STK3: variants seen among roughly 807,000 people sequenced by gnomAD.
The protein encoded by STK3 is serine/threonine-protein kinase 3.
Under a neutral mutation model 58.0 loss-of-function variants are expected in STK3, and 41 were observed. The ratio of observed to expected loss-of-function variants is 0.71; its 90% CI spans 0.55 to 0.92. STK3 has a LOEUF of 0.92. Ranked by LOEUF, STK3 falls within the 40% of genes least tolerant of loss-of-function variation. The pLI is 0.00. For synonymous variants in STK3, 170 were observed against 191.0 expected (o/e 0.89, Z 0.91); for missense variants, 479 against 602.7 (o/e 0.79, Z 2.15).
At chr8:98,571,021 C>T (rs1482463828) in intron 8 of STK3, among the ~76,000 whole-genome samples, 3 of 152,114 alleles carry the variant, frequency 2.0e-5, no homozygotes, top group African/African-American at 7.2e-5. Flanking sequence ...TTACCTAATT[C>T]AAAAGGTTCT....
At chr8:98,704,993 A>C (rs959050707) in intron 6 of STK3, among the ~76,000 whole-genome samples, 4 of 152,252 alleles carry the variant, frequency 2.6e-5, no homozygotes, top group African/African-American at 9.6e-5. Flanking sequence ...AGATGAAATA[A>C]GACTTTGTGT....
chr8:98,365,587 A>G, the STK3 span, among the ~76,000 whole-genome samples: 1 of 152,364 alleles, frequency 6.6e-6, no homozygotes, highest in East Asian at 1.9e-4. Context: ...AAAAAGAAAT[A>G]AAACATTACA....
intron 10 of STK3, among the ~76,000 whole-genome samples, chr8:98,508,013 C>T (rs961526588): frequency 3.3e-5 from 5 of 152,222 alleles, no homozygotes; most frequent in Admixed American, 2.6e-4. Flanking sequence ...GTATACTTTA[C>T]TAATTTATTA....
chr8:98,825,728 GCCCCC>G (rs1835231255), upstream of STK3: 5 of 665,028 alleles, frequency 7.5e-6, no homozygotes, highest in African/African-American at 1.1e-4. Flanking sequence ...GCCCCGCCCC[GCCCCC>G]GGCCGCCCCG....
chr8:98,805,707 AAATG>A (rs949085773), intron 1 of STK3, among the ~76,000 whole-genome samples: 1 of 152,206 alleles, frequency 6.6e-6, no homozygotes, highest in African/African-American at 2.4e-5. Context: ...TTGTGTTGGA[AAATG>A]AATGAATGAA....
the STK3 span, among the ~76,000 whole-genome samples, chr8:98,349,658 G>C: frequency 6.6e-6 from 1 of 152,206 alleles, no homozygotes; most frequent in African/African-American, 2.4e-5. Flanking sequence ...TTCCATACAT[G>C]CTCTGAAATC....
intron 1 of STK3, among the ~76,000 whole-genome samples, chr8:98,891,016 A>G (rs1283075850): frequency 6.6e-6 from 1 of 152,252 alleles, no homozygotes; most frequent in African/African-American, 2.4e-5. Flanking sequence ...AATGCCTTCT[A>G]CTCAGTTAAC....
At chr8:98,366,228 T>C (rs1379052062), downstream of STK3, among the ~76,000 whole-genome samples, 1 of 152,224 alleles carries the variant, frequency 6.6e-6, no homozygotes, top group Admixed American at 6.5e-5. Flanking sequence ...TCTCACTTAC[T>C]GTTGAGGCCC....
At chr8:98,791,737 T>C (rs769110019) in intron 1 of STK3, among the ~76,000 whole-genome samples, 1 of 152,178 alleles carries the variant, frequency 6.6e-6, no homozygotes, top group Non-Finnish European at 1.5e-5. Flanking sequence ...ATTCAACAAA[T>C]GGTGCTAGGA....
intron 1 of STK3, among the ~76,000 whole-genome samples, chr8:98,820,034 G>A (rs1401225168): frequency 2.6e-5 from 4 of 152,112 alleles, no homozygotes; most frequent in Admixed American, 6.5e-5. Flanking sequence ...GAATTCATGA[G>A]TACTTTCTGC....
intron 3 of STK3, among the ~76,000 whole-genome samples, chr8:98,757,960 T>G (rs533590481): frequency 9.2e-5 from 14 of 152,358 alleles, no homozygotes; most frequent in African/African-American, 3.1e-4. Flanking sequence ...GTTAACTAAC[T>G]ACAATTATTT....
At position 98,428,179 on chromosome 8, in the gene STK3, G is replaced by A. The variant is rs1818269812; in HGVS notation, n.483+5948C>T. On this transcript the variant is annotated intron_variant and non_coding_transcript_variant, in intron 3 of 3. Coordinates refer to the STK3 transcript ENST00000517832. The surrounding 1 kb of genome is among the most constrained non-coding windows in gnomAD (Gnocchi z 6.7). Reference sequence around the variant, plus strand: ...TGCGATGACTACGACGACGTCCAGCGGGAGTTCTACTTCGACCGCAACCCT... The same window carrying A: ...TGCGATGACTACGACGACGTCCAGCAGGAGTTCTACTTCGACCGCAACCCT... 1 of 1,614,078 alleles carries A rather than the reference G, an allele frequency of 6.2e-7. No homozygotes were observed. The highest frequency in any genetic ancestry group is 8.5e-7 in the Non-Finnish European group (1 of 1,180,016).
chr8:98,396,787 G>T (rs1817900017), downstream of STK3, among the ~76,000 whole-genome samples: 1 of 152,208 alleles, frequency 6.6e-6, no homozygotes, highest in South Asian at 2.1e-4. Context: ...CTGACTGCTG[G>T]TGTGCAGTTC....
intron 1 of STK3, among the ~76,000 whole-genome samples, chr8:98,915,397 T>C (rs1207496247): frequency 7.0e-6 from 1 of 142,180 alleles, no homozygotes; most frequent in Non-Finnish European, 1.5e-5. Flanking sequence ...CTGTGGGACC[T>C]TGTGATCATG....
intron 1 of STK3, among the ~76,000 whole-genome samples, chr8:98,382,663 A>C (rs1817749008): frequency 6.6e-6 from 1 of 151,972 alleles, no homozygotes; most frequent in Non-Finnish European, 1.5e-5. Context: ...TTCTAACCAG[A>C]TTCCCCATCT....
chr8:98,930,941 C>T (rs189076440), intron 1 of STK3, among the ~76,000 whole-genome samples: 105 of 152,276 alleles, frequency 6.9e-4, no homozygotes, highest in Middle Eastern at 3.4e-3. Flanking sequence ...ATGCTTAGCC[C>T]AAGAAGGATG....
intron 3 of STK3, among the ~76,000 whole-genome samples, chr8:98,838,074 CA>C (rs58973724): frequency 0.14 from 8,536 of 58,898 alleles, 304 homozygotes; most frequent in African/African-American, 0.26. Context: ...ACTAAAAATA[CA>C]AAAAAAAAAA....
intron 1 of STK3, among the ~76,000 whole-genome samples, chr8:98,382,012 T>C (rs1490719953): frequency 6.6e-6 from 1 of 152,214 alleles, no homozygotes; most frequent in Non-Finnish European, 1.5e-5. Flanking sequence ...CCCACTTAAA[T>C]TTTGTGCCCA....
intron 4 of STK3, among the ~76,000 whole-genome samples, chr8:98,742,508 A>G (rs1451280610): frequency 8.1e-6 from 1 of 122,906 alleles, no homozygotes; most frequent in African/African-American, 3.1e-5. Context: ...AGATGCAGAA[A>G]AGGCCTTTGA....
Sources: gnomAD v4.1 joint callset for allele counts (sites outside exome capture counted in the v4.1 genomes callset) on GRCh38, gnomAD v4.1.1 for gene constraint, Gnocchi (gnomAD v3.1) non-coding constraint, MANE v1.5 for transcripts, NCBI Gene and HGNC (gene_info 2026-07-23, HGNC 2026-07-21) for gene names.